The following ADGRL3 variants were observed in gnomAD, a reference collection of about 807,000 sequenced individuals.
ADGRL3 encodes calcium-independent alpha-latrotoxin receptor 3.
ADGRL3 carries 62 observed loss-of-function variants against 153.5 expected under a neutral mutation model. The observed-to-expected ratio is 0.40, with a 90% confidence interval of 0.33 to 0.50. The LOEUF (loss-of-function observed/expected upper bound fraction) is 0.50. Among genes scored for constraint, ADGRL3 ranks in the 20% least tolerant of loss-of-function variants. ADGRL3 has a pLI of 0.47. For synonymous variants in ADGRL3, 710 were observed against 672.5 expected, an observed-to-expected ratio of 1.06 and a Z score of -0.86; for missense variants, 1,641 against 1,859.4, an observed-to-expected ratio of 0.88 and a Z score of 2.16.
intron 1 of ADGRL3, among the ~76,000 whole-genome samples, chr4:61,337,730 A>G (rs960035897): frequency 9.2e-5 from 14 of 152,094 alleles, no homozygotes; most frequent in Admixed American, 2.6e-4. Context: ...TGATGTACTT[A>G]TATGTGACCA....
At chr4:61,825,516 T>A (rs549952408) in intron 9 of ADGRL3, among the ~76,000 whole-genome samples, 1 of 152,186 alleles carries the variant, frequency 6.6e-6, no homozygotes, top group South Asian at 2.1e-4. Context: ...ATTGGTTTAA[T>A]TATGATACAA....
chr4:61,600,542 C>G (rs963788102), intron 5 of ADGRL3, among the ~76,000 whole-genome samples: 2 of 152,042 alleles, frequency 1.3e-5, no homozygotes, highest in Non-Finnish European at 2.9e-5. Context: ...AGCCACATGT[C>G]CTGGTACACA....
At chr4:61,374,544 T>G (rs1189547089) in intron 1 of ADGRL3, among the ~76,000 whole-genome samples, 1 of 152,120 alleles carries the variant, frequency 6.6e-6, no homozygotes, top group Non-Finnish European at 1.5e-5. Context: ...AAGACCTCAG[T>G]ACTGAAGATT....
intron 8 of ADGRL3, among the ~76,000 whole-genome samples, chr4:61,756,392 G>C (rs926576594): frequency 3.3e-5 from 5 of 152,146 alleles, no homozygotes; most frequent in African/African-American, 1.2e-4. Flanking sequence ...TTGTGAATGG[G>C]AGTTCACTCA....
chr4:61,712,893 A>C (rs903716594), intron 6 of ADGRL3, among the ~76,000 whole-genome samples: 3 of 152,128 alleles, frequency 2.0e-5, no homozygotes, highest in African/African-American at 7.2e-5. Flanking sequence ...GTATTGTTTA[A>C]AATTTAAAAT....
At chr4:61,314,371 G>A (rs979744009) in intron 1 of ADGRL3, among the ~76,000 whole-genome samples, 14 of 152,106 alleles carry the variant, frequency 9.2e-5, no homozygotes, top group Admixed American at 3.9e-4. Context: ...CGCCATGCCC[G>A]GCTAATTCTG....
At chr4:61,594,936 C>G (rs546834082) in intron 5 of ADGRL3, among the ~76,000 whole-genome samples, 30 of 152,286 alleles carry the variant, frequency 2.0e-4, no homozygotes, top group Admixed American at 1.4e-3. Flanking sequence ...TGAGGATCCT[C>G]TCTTGTGGCT....
intron 9 of ADGRL3, among the ~76,000 whole-genome samples, chr4:61,864,997 C>A (rs548183092): frequency 6.6e-6 from 1 of 152,202 alleles, no homozygotes; most frequent in Non-Finnish European, 1.5e-5. Flanking sequence ...ATATGCAGAA[C>A]CTAGTGATTT....
intron 5 of ADGRL3, among the ~76,000 whole-genome samples, chr4:61,614,501 A>G (rs568022481): frequency 1.1e-4 from 16 of 152,274 alleles, no homozygotes; most frequent in Admixed American, 5.2e-4. Context: ...TATAAAGACT[A>G]GCTTCTGATG....
chr4:61,226,127 T>C (rs1747854568), intron 1 of ADGRL3, among the ~76,000 whole-genome samples: 2 of 152,246 alleles, frequency 1.3e-5, no homozygotes, highest in African/African-American at 4.8e-5. Context: ...AATTCTCTAT[T>C]GTTTTTTTTT....
intron 13 of ADGRL3, among the ~76,000 whole-genome samples, chr4:61,928,002 G>A (rs1231918904): frequency 1.3e-5 from 2 of 151,190 alleles, no homozygotes; most frequent in African/African-American, 4.8e-5. Context: ...ATATTTAGAT[G>A]TGAAGAAAAA....
chr4:62,068,486 T>C (rs1165238840), intron 26 of ADGRL3, among the ~76,000 whole-genome samples: 1 of 152,206 alleles, frequency 6.6e-6, no homozygotes, highest in African/African-American at 2.4e-5. Context: ...TTAATTTTTA[T>C]TAGTACATTC....
intron 2 of ADGRL3, among the ~76,000 whole-genome samples, chr4:61,487,503 T>C (rs989571628): frequency 6.6e-6 from 1 of 152,156 alleles, no homozygotes; most frequent in Non-Finnish European, 1.5e-5. Context: ...CTGTAGATTT[T>C]GGAATAAATT....
intron 4 of ADGRL3, among the ~76,000 whole-genome samples, chr4:61,543,088 T>G (rs1448184334): frequency 6.6e-6 from 1 of 152,170 alleles, no homozygotes; most frequent in Non-Finnish European, 1.5e-5. Context: ...AGTATTTGTT[T>G]TATGTATTTA....
intron 1 of ADGRL3, among the ~76,000 whole-genome samples, chr4:61,336,645 G>A (rs964277145): frequency 6.6e-6 from 1 of 151,824 alleles, no homozygotes; most frequent in African/African-American, 2.4e-5. Context: ...TTCGTTTGTT[G>A]GTCCTCTGTC....
intron 17 of ADGRL3, among the ~76,000 whole-genome samples, chr4:61,962,676 T>C (rs28490110): frequency 0.1 from 15,850 of 152,196 alleles, 1,104 homozygotes; most frequent in East Asian, 0.19. Flanking sequence ...ATCAAGATGT[T>C]CAGTTACTAT....
intron 4 of ADGRL3, among the ~76,000 whole-genome samples, chr4:61,573,955 C>T (rs1447059656): frequency 6.6e-6 from 1 of 151,916 alleles, no homozygotes; most frequent in Non-Finnish European, 1.5e-5. Flanking sequence ...AAACTTTGAC[C>T]ATTTAAGTGT....
rs550055630 is a variant in ADGRL3, at chr4:61,754,957, T to C, written c.1399+21403T>C. Among the ~76,000 whole-genome samples the C allele has an allele frequency of 1.7e-4, 26 of 152,346 alleles. No homozygotes were observed. In the East Asian group the frequency reaches 4.6e-3, roughly 27 times the overall value. ...CTACAAAGGACATGAACTCATCATT[T>C]TTTATGGCTGCATAGTATTCCATGG... On this transcript the variant is annotated intron_variant, in intron 8 of 26. Transcript: ENST00000683033.
chr4:61,511,325 C>T (rs1487327458), intron 3 of ADGRL3, among the ~76,000 whole-genome samples: 4 of 152,128 alleles, frequency 2.6e-5, no homozygotes, highest in African/African-American at 7.2e-5. Context: ...GCCGAGATCA[C>T]GTGCCACTGC....
Sources: allele counts gnomAD v4.1 joint callset (sites outside exome capture counted in the v4.1 genomes callset), GRCh38; gene constraint gnomAD v4.1.1; transcripts MANE v1.5; gene names NCBI Gene and HGNC (gene_info 2026-07-23, HGNC 2026-07-21).